CDK12: variants seen among roughly 807,000 people sequenced by gnomAD.
The protein encoded by CDK12 is cyclin dependent kinase 12, also known as cyclin-dependent kinase 12.
CDK12 carries 17 observed loss-of-function variants against 133.8 expected under a neutral mutation model. The observed-to-expected ratio is 0.13, with a 90% CI of 0.09 to 0.19. CDK12 has a LOEUF of 0.19. CDK12 is among the 10% of genes least tolerant of loss of function. The pLI is 1.00. For synonymous variants in CDK12, 694 were observed against 683.6 expected, an observed-to-expected ratio of 1.02 and a Z score of -0.24; for missense variants, 1,508 against 1,818.7, an observed-to-expected ratio of 0.83 and a Z score of 3.11.
At chr17:39,548,417 C>T (rs192823275), upstream of CDK12, among the ~76,000 whole-genome samples, 3 of 152,314 alleles carry the variant, frequency 2.0e-5, no homozygotes, top group East Asian at 3.9e-4. Flanking sequence ...CTGTATGCCC[C>T]GTTGTCCCCC....
rs35360624 is a variant in CDK12 at position 39,506,760 on chromosome 17, A to G, written c.2610-2945A>G. On this transcript the variant is annotated intron_variant, in intron 6 of 13. Transcript: ENST00000447079. Reference sequence around the variant, plus strand: ...CACTGTGTACTTGAAGTTCTTCTCAAAAGGCAAAAATGTTAAACCATGGTC... The same window carrying G: ...CACTGTGTACTTGAAGTTCTTCTCAGAAGGCAAAAATGTTAAACCATGGTC... 6.3e-3 allele frequency among the ~76,000 whole-genome samples: 965 copies of G among 152,302 alleles called. 15 individuals are homozygous for G. Among genetic ancestry groups the G allele is most frequent in the African/African-American group, 0.022 (923 of 41,574 alleles).
intron 2 of CDK12, among the ~76,000 whole-genome samples, chr17:39,481,956 G>A (rs112627512): frequency 6.7e-6 from 1 of 149,826 alleles, no homozygotes; most frequent in Non-Finnish European, 1.5e-5. Flanking sequence ...TCCTGACCTT[G>A]TGATCTGCCC....
At chr17:39,555,874 CACACACACACAA>C (rs1399177891) in intron 2 of CDK12, among the ~76,000 whole-genome samples, 33 of 130,314 alleles carry the variant, frequency 2.5e-4, no homozygotes, top group African/African-American at 9.3e-4. Flanking sequence ...CACACACACA[CACACACACACAA>C]AGCCAGGTGT....
At chr17:39,537,585 ATTTT>A (rs1555582244), downstream of CDK12, among the ~76,000 whole-genome samples, 2 of 149,216 alleles carry the variant, frequency 1.3e-5, no homozygotes, top group Non-Finnish European at 3.0e-5. Flanking sequence ...TTATTTATTT[ATTTT>A]TGAGATGGAC....
intron 2 of CDK12, among the ~76,000 whole-genome samples, chr17:39,476,822 A>G (rs978463405): frequency 7.0e-6 from 1 of 143,682 alleles, no homozygotes; most frequent in Non-Finnish European, 1.5e-5. Context: ...CCCAAGTTCA[A>G]GCGATTCTCC....
chr17:39,470,431 A>G (rs1037332684), intron 1 of CDK12, among the ~76,000 whole-genome samples: 12 of 152,232 alleles, frequency 7.9e-5, no homozygotes, highest in South Asian at 2.1e-4. Context: ...AGTTTAATCT[A>G]TTTTTTAAAT....
In CDK12 at chr17:39,532,094, C is replaced by CTCTCTCTT. The variant is rs1349345220; in HGVS notation, c.*786_*793dup. The CTCTCTCTT allele has an allele frequency of 2.6e-5, 5 of 189,256 alleles. No individual in the cohort carries two copies. Among genetic ancestry groups the CTCTCTCTT allele is most frequent in the African/African-American group, 1.4e-4 (5 of 34,934 alleles). 11.7% of individuals were successfully genotyped at this position (189,256 alleles called of 1,614,324 possible). On this transcript the variant is annotated 3_prime_UTR_variant, in exon 14 of 14. Coordinates refer to ENST00000447079, the MANE Select transcript of CDK12 (RefSeq NM_016507.4). Reference sequence around the variant, plus strand: ...CCTTTTTTGCTGATGTGTGCTCTCTCTCTCTCTTTCTCTCTCTCTCTCTCT... The same window carrying CTCTCTCTT: ...CCTTTTTTGCTGATGTGTGCTCTCTCTCTCTCTTTCTCTCTTTCTCTCTCTCTCTCTCT...
chr17:39,519,473 G>A (rs1248907390), intron 10 of CDK12, among the ~76,000 whole-genome samples: 1 of 151,140 alleles, frequency 6.6e-6, no homozygotes, highest in African/African-American at 2.4e-5. Context: ...GGCTAATGGG[G>A]TTTCACTATG....
chr17:39,509,778 A>C lies in CDK12; in HGVS notation c.2666+17A>C, dbSNP rs112561954. 5,724 of 1,574,750 alleles carry C rather than the reference A, an allele frequency of 3.6e-3. 177 individuals carry two copies. The African/African-American group carries it at 0.068, about 19-fold the overall frequency. ...TGAAGAGAGGTAAGGCATTAATTAA[A>C]ATTACATGTGGGAAATAAGGTTTGT... On this transcript the variant is annotated intron_variant, in intron 7 of 13. Transcript: ENST00000447079.
At chr17:39,519,535 C>T (rs916294616) in intron 10 of CDK12, among the ~76,000 whole-genome samples, 4 of 151,558 alleles carry the variant, frequency 2.6e-5, no homozygotes, top group African/African-American at 9.7e-5. Flanking sequence ...CCCGCTTCAG[C>T]CTCCCAAAGT....
chr17:39,473,875 AC>A (rs776802119), intron 2 of CDK12, among the ~76,000 whole-genome samples: 1 of 148,518 alleles, frequency 6.7e-6, no homozygotes, highest in Non-Finnish European at 1.5e-5. Context: ...ACAGAGCCAG[AC>A]TCCGTCTCAA....
Position 39,530,779 on chromosome 17 carries a change from T to C in CDK12, c.3936T>C (p.Pro1312=). Residue 1312 remains proline (P), a synonymous_variant, in exon 14 of 14, where the codon CCT becomes CCC. Coordinates refer to ENST00000447079, the MANE Select transcript of CDK12 (RefSeq NM_016507.4). ...LQLLSQPEAE[P]PGHLPHEHQA... The stretch of plus-strand genomic sequence containing the variant: ...TTTTATCCCAGCCTGAAGCAGAGCC[T>C]CCTGGCCACCTGCCACATGAGCACC... The C allele has an allele frequency of 6.2e-7, 1 of 1,614,032 alleles. No homozygotes were observed. Among genetic ancestry groups the C allele is most frequent in the African/African-American group, 1.3e-5 (1 of 74,990 alleles).
intron 2 of CDK12, among the ~76,000 whole-genome samples, chr17:39,481,789 C>G (rs149402853): frequency 6.6e-6 from 1 of 151,278 alleles, no homozygotes; most frequent in Non-Finnish European, 1.5e-5. Flanking sequence ...GGCACTATCT[C>G]GGCACACTGC....
At chr17:39,501,564 T>C (rs934631846) in intron 6 of CDK12, 125 bp downstream of exon 6, 5 of 616,486 alleles carry the variant, frequency 8.1e-6, no homozygotes, top group African/African-American at 5.7e-5. Flanking sequence ...TTTAGTGATA[T>C]TTCCTACGTT....
rs562858014 is a variant in CDK12 at position 39,522,509 on chromosome 17, A to C, written c.3096-2165A>C. Among the ~76,000 whole-genome samples the C allele has an allele frequency of 3.4e-3, 509 of 151,488 alleles. 5 individuals carry two copies. Among genetic ancestry groups the C allele is most frequent in the African/African-American group, 0.012 (498 of 41,298 alleles). On this transcript the variant is annotated intron_variant, in intron 11 of 13. Transcript: ENST00000447079. Reference sequence around the variant, plus strand: ...GAGTGCAGTGGCACAATCTCAACTCACTGCAACCTCCACCTCCCGGCTTCA... The same window carrying C: ...GAGTGCAGTGGCACAATCTCAACTCCCTGCAACCTCCACCTCCCGGCTTCA...
At chr17:39,519,449 G>C (rs372513555) in intron 10 of CDK12, among the ~76,000 whole-genome samples, 133 of 151,166 alleles carry the variant, frequency 8.8e-4, no homozygotes, top group African/African-American at 2.7e-3. Flanking sequence ...TTACAGGCGT[G>C]CATCACCATG....
chr17:39,563,257 G>A (rs2056447177), intron 3 of CDK12, among the ~76,000 whole-genome samples: 1 of 152,052 alleles, frequency 6.6e-6, no homozygotes, highest in South Asian at 2.1e-4. Flanking sequence ...TTGGCTGGGA[G>A]AGTGTGTGTG....
intron 3 of CDK12, among the ~76,000 whole-genome samples, chr17:39,557,606 C>T: frequency 6.6e-6 from 1 of 152,216 alleles, no homozygotes; most frequent in East Asian, 1.9e-4. Flanking sequence ...TATGGAAAAA[C>T]TTACTCATGG....
chr17:39,552,969 T>C (rs2056014955), intron 2 of CDK12, among the ~76,000 whole-genome samples: 1 of 152,154 alleles, frequency 6.6e-6, no homozygotes, highest in African/African-American at 2.4e-5. Context: ...CCTCAAGTGA[T>C]CCGCCTGCCT....
Sources: gnomAD v4.1 joint callset for allele counts (sites outside exome capture counted in the v4.1 genomes callset) on GRCh38, gnomAD v4.1.1 for gene constraint, MANE v1.5 for transcripts, NCBI Gene and HGNC (gene_info 2026-07-23, HGNC 2026-07-21) for gene names.